The following ILRUN variants were observed in gnomAD, a reference collection of about 807,000 sequenced individuals.
ILRUN encodes the protein protein ILRUN.
Under a neutral mutation model 33.8 loss-of-function variants are expected in ILRUN, and 3 were observed. That is an observed-to-expected ratio of 0.09 (90% confidence interval 0.04 to 0.23). The LOEUF (loss-of-function observed/expected upper bound fraction) is 0.23, where lower values mean the gene tolerates loss of function less well. Ranked by LOEUF, ILRUN falls within the 10% of genes least tolerant of loss-of-function variation. The probability of loss-of-function intolerance (pLI) is 1.00; values close to 1 mark genes in which losing one functional copy is unlikely to be tolerated. For synonymous variants in ILRUN, 124 were observed against 138.9 expected (o/e 0.89, Z 0.75); for missense variants, 210 against 375.1 (o/e 0.56, Z 3.64).
At chr6:34,595,376 A>C (rs972972437) in intron 4 of ILRUN, among the ~76,000 whole-genome samples, 20 of 152,378 alleles carry the variant, frequency 1.3e-4, no homozygotes, top group African/African-American at 4.1e-4. Context: ...AGTACTAAAA[A>C]ACAGGCAATC....
chr6:34,635,021 G>C (rs1166525469), intron 3 of ILRUN, among the ~76,000 whole-genome samples: 1 of 151,808 alleles, frequency 6.6e-6, no homozygotes, highest in Non-Finnish European at 1.5e-5. Flanking sequence ...GCTATATTCA[G>C]TTAAATAAAA....
At chr6:34,643,318 CGT>C (rs370000161) in intron 3 of ILRUN, among the ~76,000 whole-genome samples, 11 of 148,638 alleles carry the variant, frequency 7.4e-5, no homozygotes, top group Non-Finnish European at 7.5e-5. Context: ...AAAAAAAGTG[CGT>C]GTGTGTGTGT....
At chr6:34,695,050 CAAAA>C (rs60744554) in intron 1 of ILRUN, among the ~76,000 whole-genome samples, 1 of 110,850 alleles carries the variant, frequency 9.0e-6, no homozygotes, top group Admixed American at 1.0e-4. Context: ...GACTCCGTCT[CAAAA>C]AAAAAAAAAA....
intron 3 of ILRUN, among the ~76,000 whole-genome samples, chr6:34,622,855 T>C (rs1440925733): frequency 6.6e-6 from 1 of 152,194 alleles, no homozygotes; most frequent in Non-Finnish European, 1.5e-5. Context: ...GTAACCCAAG[T>C]GTCCAGTAAA....
chr6:34,652,853 A>T lies in ILRUN; in HGVS notation c.313+1772T>A, dbSNP rs528746697. 3.3e-5 allele frequency among the ~76,000 whole-genome samples: 5 copies of T among 152,088 alleles called. No homozygotes were observed. In the East Asian group the frequency reaches 9.7e-4, roughly 29 times the overall value. On this transcript the variant is annotated intron_variant, in intron 2 of 4. Coordinates refer to ENST00000374023, the MANE Select transcript of ILRUN (RefSeq NM_024294.4). ...ACAAAACCCAACCCCTGCTCCCAAA[A>T]CTCATTAGAAAATAATTTAAGGCCA...
chr6:34,597,601 G>C (rs960401004), intron 4 of ILRUN, among the ~76,000 whole-genome samples: 1 of 152,184 alleles, frequency 6.6e-6, no homozygotes, highest in South Asian at 2.1e-4. Flanking sequence ...GCATCAGCTT[G>C]CATAATGGCT....
At chr6:34,675,074 A>C (rs534368204) in intron 1 of ILRUN, among the ~76,000 whole-genome samples, 1 of 152,296 alleles carries the variant, frequency 6.6e-6, no homozygotes, top group South Asian at 2.1e-4. Flanking sequence ...TGAGGTTAAG[A>C]GTTCTAGACC....
At chr6:34,636,884 C>G (rs1762376428) in intron 3 of ILRUN, among the ~76,000 whole-genome samples, 1 of 152,152 alleles carries the variant, frequency 6.6e-6, no homozygotes, top group Non-Finnish European at 1.5e-5. Flanking sequence ...TCAGTGAAAC[C>G]TTCTTAAGAA....
intron 1 of ILRUN, among the ~76,000 whole-genome samples, chr6:34,683,502 A>C (rs896350501): frequency 1.2e-5 from 1 of 85,862 alleles, no homozygotes; most frequent in Non-Finnish European, 2.2e-5. Context: ...ATATATACAT[A>C]TATATATATA....
rs1244935428 is a variant in ILRUN at position 34,592,222 on chromosome 6, C to T, written c.862-1622G>A. ...GCCAATACCAATGGGGCATCCACTA[C>T]GTGCCAGGTGCTGCAGTAGCACCTA... On this transcript the variant is annotated intron_variant, in intron 4 of 4. Transcript: ENST00000374023. This position sits in a 1 kb window ranked among gnomAD's most constrained non-coding sequence, Gnocchi z 4.0. 6.6e-5 allele frequency among the ~76,000 whole-genome samples: 10 copies of T among 152,242 alleles called. No homozygotes were observed. The highest frequency in any genetic ancestry group is 6.5e-4 in the Admixed American group (10 of 15,290).
intron 3 of ILRUN, among the ~76,000 whole-genome samples, chr6:34,641,141 A>C (rs1405520389): frequency 6.6e-6 from 1 of 152,008 alleles, no homozygotes; most frequent in African/African-American, 2.4e-5. Flanking sequence ...GAAACCTCCA[A>C]AAAGCAATCT....
Position 34,687,708 on chromosome 6 carries a change from A to AAATAT in ILRUN, c.158+8737_158+8738insATATT, listed in dbSNP as rs1554190347. 3.4e-3 allele frequency among the ~76,000 whole-genome samples: 492 copies of AAATAT among 143,260 alleles called. 7 individuals carry two copies. Among genetic ancestry groups the AAATAT allele is most frequent in the African/African-American group, 0.012 (461 of 37,708 alleles). 94.0% of individuals were successfully genotyped at this position (143,260 alleles called of 152,430 possible). ...GCAAGACTCCATCTCCAAAAAAAAAAATATATATATATATATATTTATAAA... is the reference window on the plus strand; with the variant it reads ...GCAAGACTCCATCTCCAAAAAAAAAAAATATATATATATATATATATATTTATAAA... On this transcript the variant is annotated intron_variant, in intron 1 of 4. Coordinates refer to ENST00000374023, the MANE Select transcript of ILRUN (RefSeq NM_024294.4).
chr6:34,654,571 A>T, intron 2 of ILRUN, 54 bp downstream of exon 2: 1 of 1,519,358 alleles, frequency 6.6e-7, no homozygotes, highest in Non-Finnish European at 8.9e-7. Flanking sequence ...CTTCTTATTT[A>T]ACTATTAAGA....
At chr6:34,610,434 A>T (rs574513760) in intron 3 of ILRUN, among the ~76,000 whole-genome samples, 12 of 152,324 alleles carry the variant, frequency 7.9e-5, no homozygotes, top group South Asian at 2.1e-4. Context: ...TTCTAACACA[A>T]GACAGCATTC....
intron 1 of ILRUN, among the ~76,000 whole-genome samples, chr6:34,690,497 T>C (rs1763623479): frequency 6.6e-6 from 1 of 151,672 alleles, no homozygotes; most frequent in Admixed American, 6.6e-5. Context: ...AATAAATAAA[T>C]TGATTAAAAG....
chr6:34,654,151 C>A, intron 2 of ILRUN, among the ~76,000 whole-genome samples: 2 of 146,352 alleles, frequency 1.4e-5, no homozygotes, highest in African/African-American at 2.6e-5. Context: ...CAGAGACAAT[C>A]ATCCTTGTGG....
chr6:34,650,925 G>A (rs1762654720), intron 2 of ILRUN, among the ~76,000 whole-genome samples: 1 of 151,550 alleles, frequency 6.6e-6, no homozygotes, highest in African/African-American at 2.4e-5. Flanking sequence ...AGCTCTTTCA[G>A]TGAGTGCTTA....
chr6:34,686,669 T>C lies in ILRUN; in HGVS notation c.158+9777A>G, dbSNP rs1254416022. ...GGCAAACACCAACCCCACAAAGTGATACAGTATAAGAAAGGCAGGCCGGGC... is the reference window on the plus strand; with the variant it reads ...GGCAAACACCAACCCCACAAAGTGACACAGTATAAGAAAGGCAGGCCGGGC... On this transcript the variant is annotated intron_variant, in intron 1 of 4. Coordinates refer to ENST00000374023, the MANE Select transcript of ILRUN (RefSeq NM_024294.4). 10 of 207,222 alleles carry C rather than the reference T, an allele frequency of 4.8e-5. 1 individual carries two copies. Among genetic ancestry groups the C allele is most frequent in the Non-Finnish European group, 3.0e-5 (3 of 99,256 alleles). 12.8% of individuals were successfully genotyped at this position (207,222 alleles called of 1,614,324 possible). A position where few individuals can be genotyped will look rare whatever the true frequency, so the allele number is the denominator to read the frequency against.
At chr6:34,620,436 G>C (rs1227750796) in intron 3 of ILRUN, among the ~76,000 whole-genome samples, 3 of 152,138 alleles carry the variant, frequency 2.0e-5, no homozygotes, top group African/African-American at 7.2e-5. Flanking sequence ...TAACGTCTGA[G>C]GATCGGGTAT....
Sources: gnomAD v4.1 joint callset for allele counts (sites outside exome capture counted in the v4.1 genomes callset) on GRCh38, gnomAD v4.1.1 for gene constraint, Gnocchi (gnomAD v3.1) non-coding constraint, MANE v1.5 for transcripts, NCBI Gene and HGNC (gene_info 2026-07-23, HGNC 2026-07-21) for gene names.